The following KCNK2 variants were observed in gnomAD, a reference collection of about 807,000 sequenced individuals.
KCNK2 encodes potassium channel subfamily K member 2.
KCNK2 carries 21 observed loss-of-function variants against 40.5 expected under a neutral mutation model. The ratio of observed to expected loss-of-function variants is 0.52; its 90% CI spans 0.37 to 0.75. The LOEUF (loss-of-function observed/expected upper bound fraction) is 0.75, where lower values mean the gene tolerates loss of function less well. Among genes scored for constraint, KCNK2 ranks in the 30% least tolerant of loss-of-function variants. The pLI is 0.00. For missense variants in KCNK2, 399 were observed against 531.6 expected (o/e 0.75, Z 2.45); for synonymous variants, 191 against 202.2 (o/e 0.94, Z 0.47).
chr1:215,222,613 C>CA (rs1558146822), intron 6 of KCNK2, among the ~76,000 whole-genome samples: 1 of 151,410 alleles, frequency 6.6e-6, no homozygotes, highest in African/African-American at 2.4e-5. Context: ...AATTACTAGC[C>CA]AAAAAAAGCA....
At chr1:215,093,626 G>A (rs1183139628) in intron 2 of KCNK2, among the ~76,000 whole-genome samples, 3 of 92,898 alleles carry the variant, frequency 3.2e-5, no homozygotes, top group East Asian at 2.8e-4. Flanking sequence ...ATATAATATA[G>A]AATATATATA....
In KCNK2 at chr1:215,083,199, C is replaced by CA. The variant is rs1156606131; in HGVS notation, c.-187_-186insA. ...GATTTCGTTTCTTCTCACGCTCCCC[C>CA]CCCCGCCCCCTCCCGCGTCCAGCCC... On this transcript the variant is annotated 5_prime_UTR_variant, in exon 1 of 7. Coordinates refer to ENST00000444842, the MANE Select transcript of KCNK2 (RefSeq NM_001017425.3). 1.2e-5 allele frequency: 8 copies of CA among 685,038 alleles called. 1 individual carries two copies. The highest frequency in any genetic ancestry group is 1.9e-5 in the African/African-American group (1 of 51,590). 42.4% of individuals were successfully genotyped at this position (685,038 alleles called of 1,614,324 possible). A position where few individuals can be genotyped will look rare whatever the true frequency, so the allele number is the denominator to read the frequency against.
chr1:215,231,841 A>C (rs1167121721), intron 6 of KCNK2, among the ~76,000 whole-genome samples: 1 of 152,172 alleles, frequency 6.6e-6, no homozygotes, highest in Non-Finnish European at 1.5e-5. Context: ...GGAAGAGCAA[A>C]GGGACTTCTT....
intron 3 of KCNK2, among the ~76,000 whole-genome samples, chr1:215,159,667 G>T (rs1032630740): frequency 6.6e-6 from 1 of 151,992 alleles, no homozygotes; most frequent in Non-Finnish European, 1.5e-5. Context: ...TTGCATTTTT[G>T]TTTTTTCCTG....
chr1:215,043,154 G>A (rs1394514667), intron 1 of KCNK2, among the ~76,000 whole-genome samples: 1 of 152,182 alleles, frequency 6.6e-6, no homozygotes, highest in South Asian at 2.1e-4. Flanking sequence ...AAATTAAGAA[G>A]TGTTAGAAAA....
exon 1 of KCNK2, chr1:215,005,859 C>T: frequency 6.8e-7 from 1 of 1,479,302 alleles, no homozygotes; most frequent in Non-Finnish European, 9.5e-7. Flanking sequence ...GGACAAGAAA[C>T]CTTGGAGGAA....
chr1:215,051,432 A>G (rs911760960), intron 1 of KCNK2, among the ~76,000 whole-genome samples: 2 of 152,202 alleles, frequency 1.3e-5, no homozygotes, highest in East Asian at 3.9e-4. Flanking sequence ...TTACAGAGTA[A>G]ATTTGTCAGA....
chr1:215,233,776 T>G (rs1359510960), intron 6 of KCNK2, among the ~76,000 whole-genome samples: 1 of 152,126 alleles, frequency 6.6e-6, no homozygotes, highest in African/African-American at 2.4e-5. Context: ...TTGTTCCATA[T>G]TAGGAGATTA....
At chr1:215,011,852 C>T (rs1281986577) in intron 1 of KCNK2, among the ~76,000 whole-genome samples, 2 of 137,692 alleles carry the variant, frequency 1.5e-5, no homozygotes, top group Non-Finnish European at 3.2e-5. Context: ...GTGATCCACC[C>T]GCCTCGGCCT....
At chr1:215,147,672 C>CAA (rs1662488221) in intron 3 of KCNK2, among the ~76,000 whole-genome samples, 1 of 151,970 alleles carries the variant, frequency 6.6e-6, no homozygotes, top group South Asian at 2.1e-4. Flanking sequence ...TCTATACTAA[C>CAA]AAAAACACAA....
chr1:215,127,954 A>G (rs1661504043), intron 3 of KCNK2, among the ~76,000 whole-genome samples: 1 of 152,218 alleles, frequency 6.6e-6, no homozygotes, highest in Non-Finnish European at 1.5e-5. Flanking sequence ...ATAAAACACT[A>G]TCACTCTGTT....
intron 1 of KCNK2, chr1:215,006,048 A>C: frequency 9.5e-7 from 1 of 1,050,686 alleles, no homozygotes; most frequent in South Asian, 1.3e-5. Context: ...TGATGTAAGG[A>C]GTCTTCATTA....
At chr1:215,070,365 G>A (rs547568707) in intron 1 of KCNK2, among the ~76,000 whole-genome samples, 5 of 144,188 alleles carry the variant, frequency 3.5e-5, no homozygotes, top group South Asian at 2.2e-4. Context: ...GCAGTGAGCC[G>A]AGATTGCACC....
Position 215,172,025 on chromosome 1 carries a change from G to A in KCNK2, c.665G>A (p.Arg222His). ...IKWNVSQTKIRIISTIIFILF... is the reference protein window; with the variant it reads ...IKWNVSQTKIHIISTIIFILF... ...TGGAATGTTAGTCAGACCAAGATTC[G>A]CATCATCTCAACAATCATATTTATA... Residue 222 changes from arginine to histidine, a missense_variant, in exon 5 of 7, where the codon CGC (arginine) becomes CAC (histidine). Around this residue, in one of 3 missense-constraint regions of KCNK2, gnomAD observed 279 missense variants for 353.8 expected, o/e 0.79. Transcript: ENST00000444842. 1 of 1,611,566 alleles carries A rather than the reference G, an allele frequency of 6.2e-7. No homozygotes were observed. Among genetic ancestry groups the A allele is most frequent in the Non-Finnish European group, 8.5e-7 (1 of 1,179,026 alleles).
At chr1:215,209,444 T>A (rs1164922460) in intron 6 of KCNK2, among the ~76,000 whole-genome samples, 3 of 33,214 alleles carry the variant, frequency 9.0e-5, no homozygotes, top group African/African-American at 1.3e-4. Context: ...ATAAAATATA[T>A]AATATATATT....
intron 1 of KCNK2, among the ~76,000 whole-genome samples, chr1:215,027,350 C>T (rs12023317): frequency 9.2e-5 from 14 of 152,062 alleles, no homozygotes; most frequent in Non-Finnish European, 1.6e-4. Context: ...TCTATCGTTT[C>T]GATGTTGAGA....
At chr1:215,054,018 T>C (rs905364555) in intron 1 of KCNK2, among the ~76,000 whole-genome samples, 2 of 152,000 alleles carry the variant, frequency 1.3e-5, no homozygotes, top group Admixed American at 1.3e-4. Context: ...TATTGAGGAG[T>C]TTAAAGCTGT....
intron 6 of KCNK2, among the ~76,000 whole-genome samples, chr1:215,214,257 T>C (rs1443055261): frequency 3.3e-5 from 5 of 152,094 alleles, no homozygotes; most frequent in African/African-American, 1.2e-4. Context: ...ATGATTTGCA[T>C]GGCTGCAACA....
At chr1:215,113,943 G>A (rs1484184611) in intron 2 of KCNK2, among the ~76,000 whole-genome samples, 1 of 152,170 alleles carries the variant, frequency 6.6e-6, no homozygotes, top group African/African-American at 2.4e-5. Context: ...AAGTGTGAGT[G>A]AGGTTCAAGT....
Sources: allele counts gnomAD v4.1 joint callset (sites outside exome capture counted in the v4.1 genomes callset), GRCh38; gene constraint gnomAD v4.1.1; regional missense constraint gnomAD v4.1.1; transcripts MANE v1.5; gene names NCBI Gene and HGNC (gene_info 2026-07-23, HGNC 2026-07-21).